Variants in EVC2 observed in about 807,000 individuals in gnomAD.
EVC2 encodes the protein limbin.
A neutral mutation model predicts 149.3 loss-of-function variants in EVC2; 148 were observed. That is an observed-to-expected ratio of 0.99 (90% CI 0.87 to 1.14). EVC2 has a LOEUF of 1.14. Among genes scored for constraint, EVC2 ranks in the 50% most tolerant of loss-of-function variants. The pLI is 0.00. For missense variants in EVC2, 1,854 were observed against 1,627.3 expected (o/e 1.14, Z -2.40); for synonymous variants, 776 against 649.9 (o/e 1.19, Z -2.95).
At chr4:5,644,357 T>C (rs900384860) in intron 9 of EVC2, among the ~76,000 whole-genome samples, 39 of 152,290 alleles carry the variant, frequency 2.6e-4, no homozygotes, top group African/African-American at 9.4e-4. Context: ...CAGGCTAGAG[T>C]GCAGTGGTGT....
Position 5,708,487 on chromosome 4 carries a change from G to A in EVC2, c.27C>T (p.Arg9=). 6.7e-7 allele frequency: 1 copy of A among 1,483,594 alleles called. No individual in the cohort carries two copies. The highest frequency in any genetic ancestry group is 8.9e-7 in the Non-Finnish European group (1 of 1,124,896). 91.9% of individuals were successfully genotyped at this position (1,483,594 alleles called of 1,614,324 possible). A position where few individuals can be genotyped will look rare whatever the true frequency, so the allele number is the denominator to read the frequency against. Reference sequence around the variant, plus strand: ...GACCCCCGGCCAGCACCCACGTGGGGCGCCCCCGGGAGCCCGAGGGGTCCA... The same window carrying A: ...GACCCCCGGCCAGCACCCACGTGGGACGCCCCCGGGAGCCCGAGGGGTCCA... MDPSGSRG[R]PTWVLAGGLL... Residue 9 remains arginine, a synonymous_variant, in exon 1 of 22, where the codon CGC becomes CGT. Transcript: ENST00000344408.
At position 5,640,849 on chromosome 4, in the gene EVC2, C is replaced by CA. The variant is rs1560188150; in HGVS notation, c.1146-12dup. The CA allele has an allele frequency of 1.9e-6, 3 of 1,614,028 alleles. No homozygotes were observed. The highest frequency in any genetic ancestry group is 2.2e-5 in the East Asian group (1 of 44,866). Reference sequence around the variant, plus strand: ...GTTGCAATCTCCAACCTAGGAAACACAAAAATCAAAAGAATTCCATTACAT... The same window carrying CA: ...GTTGCAATCTCCAACCTAGGAAACACAAAAAATCAAAAGAATTCCATTACAT... On this transcript the variant is annotated splice_polypyrimidine_tract_variant and intron_variant, in intron 9 of 21. Coordinates refer to ENST00000344408, the MANE Select transcript of EVC2 (RefSeq NM_147127.5). The surrounding 1 kb of genome is among the most constrained non-coding windows in gnomAD (Gnocchi z 4.6).
intron 7 of EVC2, among the ~76,000 whole-genome samples, chr4:5,666,132 T>C (rs1037151100): frequency 1.3e-5 from 2 of 151,946 alleles, no homozygotes; most frequent in Admixed American, 1.3e-4. Flanking sequence ...TTAGAGAAAA[T>C]CTCTTGTCTT....
the EVC2 span, among the ~76,000 whole-genome samples, chr4:5,537,403 ACACCAGCCGGGAAATAGTGCTGTTTCC>A: frequency 4.6e-4 from 70 of 152,306 alleles, no homozygotes; most frequent in African/African-American, 1.5e-3. Context: ...TTCAGTGCTC[ACACCAGCCGGGAAATAGTGCTGTTTCC>A]CACCAGCCAG....
At chr4:5,601,390 G>A (rs1014583486) in intron 16 of EVC2, among the ~76,000 whole-genome samples, 4 of 152,060 alleles carry the variant, frequency 2.6e-5, no homozygotes, top group East Asian at 1.9e-4. Flanking sequence ...TTGGGATGGT[G>A]GAGGAAGATG....
chr4:5,541,692 C>T (rs1351708425), downstream of EVC2, among the ~76,000 whole-genome samples: 1 of 152,128 alleles, frequency 6.6e-6, no homozygotes, highest in Non-Finnish European at 1.5e-5. Flanking sequence ...CAGTGCCTCT[C>T]GCCAGCTTGG....
rs1409904533 is a variant in EVC2 at position 5,679,095 on chromosome 4, A to C, written c.870+2165T>G. 6.6e-6 allele frequency among the ~76,000 whole-genome samples: 1 copy of C among 152,096 alleles called. No individual in the cohort carries two copies. Among genetic ancestry groups the C allele is most frequent in the African/African-American group, 2.4e-5 (1 of 41,404 alleles). ...AAAAAAAAAAATACACTCGTATAGG[A>C]AATGTATCATAACTCGAGCTTGCAG... On this transcript the variant is annotated intron_variant, in intron 7 of 21. Coordinates refer to ENST00000344408, the MANE Select transcript of EVC2 (RefSeq NM_147127.5). This position sits in a 1 kb window ranked among gnomAD's most constrained non-coding sequence, Gnocchi z 5.1.
In EVC2 at chr4:5,663,246, C is replaced by A. The variant is rs761732269; in HGVS notation, c.1006G>T (p.Val336Phe). 3.1e-6 allele frequency: 5 copies of A among 1,613,926 alleles called. No homozygotes were observed. The highest frequency in any genetic ancestry group is 2.7e-5 in the African/African-American group (2 of 74,910). Reference protein sequence around the residue: ...LKGNMLTRHRVWQYESKLEPL... With the variant: ...LKGNMLTRHRFWQYESKLEPL... The stretch of plus-strand genomic sequence containing the variant: ...TCCAGCTTGCTCTCATACTGCCAAA[C>A]CTTCAGGAGAATTGCGGAAATAATA... The change falls in exon 9 of 22, where the codon GTT (valine) becomes TTT (phenylalanine). Residue 336 changes from valine (V) to phenylalanine (F), a missense_variant and splice_region_variant. By Grantham distance (50) the Val-to-Phe change is conservative (BLOSUM62 -1). Coordinates refer to ENST00000344408, the MANE Select transcript of EVC2 (RefSeq NM_147127.5).
chr4:5,539,702 A>G (rs1363060067), downstream of EVC2, among the ~76,000 whole-genome samples: 1 of 152,190 alleles, frequency 6.6e-6, no homozygotes, highest in African/African-American at 2.4e-5. Flanking sequence ...TTTTCAAAAA[A>G]TGATGTTGTA....
rs547884074 is a variant in EVC2 at position 5,686,656 on chromosome 4, A to C, written c.707-1177T>G. The stretch of plus-strand genomic sequence containing the variant: ...GGAGCCACCTGACCCTCTGGGTCCC[A>C]TCATCTTTTCCCCAAACAACACTGG... On this transcript the variant is annotated intron_variant, in intron 5 of 21. Coordinates refer to ENST00000344408, the MANE Select transcript of EVC2 (RefSeq NM_147127.5). The surrounding 1 kb of genome is among the most constrained non-coding windows in gnomAD (Gnocchi z 5.4). Among the ~76,000 whole-genome samples, 1 of 152,330 alleles carries C rather than the reference A, an allele frequency of 6.6e-6. No individual in the cohort carries two copies. Among genetic ancestry groups the C allele is most frequent in the South Asian group, 2.1e-4 (1 of 4,822 alleles).
Position 5,708,391 on chromosome 4 carries a change from G to A in EVC2, c.123C>T (p.Pro41=), listed in dbSNP as rs1722355414. Residue 41 remains proline, a synonymous_variant, in exon 1 of 22, where the codon CCC becomes CCT. Transcript: ENST00000344408. The stretch of plus-strand genomic sequence containing the variant: ...GATCCCGGGGTGGCTGCGCGCCGAG[G>A]GGGCGCCAGCGGGGACGTGAGCTGG... ...LGASSRPRWR[P]LGAQPPRDPQ... is the part of the protein sequence containing the mutation. The A allele has an allele frequency of 1.3e-6, 2 of 1,496,602 alleles. No homozygotes were observed. Among genetic ancestry groups the A allele is most frequent in the Non-Finnish European group, 1.8e-6 (2 of 1,130,410 alleles). The allele number at this position is 1,496,602 out of a possible 1,614,324, so 92.7% of individuals were successfully genotyped here.
intron 21 of EVC2, among the ~76,000 whole-genome samples, chr4:5,547,111 C>T (rs1251922554): frequency 6.6e-6 from 1 of 152,254 alleles, no homozygotes. Context: ...AATGCCTGCT[C>T]CCACTGCCTG....
chr4:5,682,209 G>A (rs1373710057), intron 6 of EVC2, among the ~76,000 whole-genome samples: 4 of 152,186 alleles, frequency 2.6e-5, no homozygotes, highest in South Asian at 2.1e-4. Context: ...AGCAATAGCA[G>A]GCCGGGGGCG....
chr4:5,665,765 T>C (rs1577227129), intron 7 of EVC2, 116 bp from the exon 8 acceptor site: 1 of 1,466,172 alleles, frequency 6.8e-7, no homozygotes, highest in East Asian at 2.5e-5. Context: ...CTCGCTTGCA[T>C]TTGAGTCTCG....
chr4:5,685,242 C>T (rs574214530), intron 6 of EVC2, 128 bp downstream of exon 6: 165 of 921,052 alleles, frequency 1.8e-4, no homozygotes, highest in Non-Finnish European at 2.7e-4. Flanking sequence ...GGCCTATGCC[C>T]TTATCTGCTA....
At chr4:5,707,129 C>A (rs1722255526) in intron 1 of EVC2, among the ~76,000 whole-genome samples, 1 of 152,130 alleles carries the variant, frequency 6.6e-6, no homozygotes. Context: ...GGGGACGCGG[C>A]TCCCTGAGCC....
intron 1 of EVC2, among the ~76,000 whole-genome samples, chr4:5,697,970 C>G (rs1359077280): frequency 6.6e-6 from 1 of 152,068 alleles, no homozygotes; most frequent in African/African-American, 2.4e-5. Flanking sequence ...TCAGGATGGT[C>G]TCCATCTCCT....
In EVC2 at chr4:5,676,631, GC is replaced by G. The variant is rs1720013026; in HGVS notation, c.870+4628del. Among the ~76,000 whole-genome samples the G allele has an allele frequency of 3.3e-5, 5 of 152,100 alleles. No homozygotes were observed. In the South Asian group the frequency reaches 1.0e-3, roughly 32 times the overall value. ...CATGCCTGACAAGCAGTCAACACTG[GC>G]TTAACCTAGAAGTCAGATGTTCAGC... On this transcript the variant is annotated intron_variant, in intron 7 of 21. Transcript: ENST00000344408.
chr4:5,556,629 T>C (rs1324583413), intron 21 of EVC2, among the ~76,000 whole-genome samples: 1 of 151,970 alleles, frequency 6.6e-6, no homozygotes, highest in Non-Finnish European at 1.5e-5. Flanking sequence ...ATAGAAAACA[T>C]TTTATGAAAC....
Sources: allele counts gnomAD v4.1 joint callset (sites outside exome capture counted in the v4.1 genomes callset), GRCh38; gene constraint gnomAD v4.1.1; non-coding constraint Gnocchi (gnomAD v3.1); transcripts MANE v1.5; gene names NCBI Gene and HGNC (gene_info 2026-07-23, HGNC 2026-07-21).